The following CCDC192 variants were observed in gnomAD, a reference collection of about 807,000 sequenced individuals.
CCDC192 encodes coiled-coil domain-containing protein 192.
intron 2 of CCDC192, among the ~76,000 whole-genome samples, chr5:127,713,734 T>C (rs756932649): frequency 3.9e-5 from 6 of 152,236 alleles, no homozygotes; most frequent in Non-Finnish European, 7.3e-5. Flanking sequence ...TGACACATAA[T>C]AATTGTACAT....
At chr5:127,822,650 G>A (rs1172204760) in intron 5 of CCDC192, among the ~76,000 whole-genome samples, 2 of 152,126 alleles carry the variant, frequency 1.3e-5, no homozygotes, top group African/African-American at 2.4e-5. Flanking sequence ...TGATGTTCAG[G>A]GAGTCAGGAA....
At chr5:127,861,996 G>A (rs1248587926) in intron 5 of CCDC192, among the ~76,000 whole-genome samples, 1 of 152,202 alleles carries the variant, frequency 6.6e-6, no homozygotes, top group African/African-American at 2.4e-5. Context: ...TAAGGGAGTT[G>A]TGAGTGGGAA....
In CCDC192 at chr5:127,782,572, C is replaced by G. The variant is rs1756293108; in HGVS notation, c.223-14531C>G. 2.0e-5 allele frequency among the ~76,000 whole-genome samples: 3 copies of G among 151,954 alleles called. No homozygotes were observed. The South Asian group carries it at 6.2e-4, about 32-fold the overall frequency. On this transcript the variant is annotated intron_variant, in intron 3 of 6. Transcript: ENST00000514853. ...GGTTGTATCTTTCCAGGAATTCATC[C>G]ATGTCATCTAGGTTTTTTAGTCTGT...
At chr5:127,748,775 T>G (rs1307995700) in intron 2 of CCDC192, among the ~76,000 whole-genome samples, 2 of 145,940 alleles carry the variant, frequency 1.4e-5, no homozygotes, top group African/African-American at 5.0e-5. Context: ...GTATCCTCTT[T>G]TATTTCCTTG....
intron 2 of CCDC192, among the ~76,000 whole-genome samples, chr5:127,738,083 C>T (rs1753137825): frequency 6.6e-6 from 1 of 151,962 alleles, no homozygotes; most frequent in African/African-American, 2.4e-5. Flanking sequence ...TGTTCCTTTC[C>T]ATGTTTAGTG....
At chr5:127,752,091 G>A (rs1026179702) in intron 2 of CCDC192, among the ~76,000 whole-genome samples, 8 of 152,214 alleles carry the variant, frequency 5.3e-5, no homozygotes, top group South Asian at 4.1e-4. Context: ...TAATTTGATC[G>A]TCTGAAGCCT....
Position 127,854,637 on chromosome 5 carries a change from G to C in CCDC192, c.412-20901G>C, listed in dbSNP as rs539623216. On this transcript the variant is annotated intron_variant, in intron 5 of 6. Coordinates refer to ENST00000514853, the MANE Select transcript of CCDC192 (RefSeq NM_001317938.2). The stretch of plus-strand genomic sequence containing the variant: ...GGGTGACTCCTGCATATCTAACCTA[G>C]ACCTCCTTGACTGAGCACCACACTC... Among the ~76,000 whole-genome samples, 6 of 152,186 alleles carry C rather than the reference G, an allele frequency of 3.9e-5. No individual in the cohort carries two copies. In the East Asian group the frequency reaches 9.7e-4, roughly 24 times the overall value.
intron 3 of CCDC192, among the ~76,000 whole-genome samples, chr5:127,782,649 T>G (rs1448476879): frequency 6.6e-6 from 1 of 152,168 alleles, no homozygotes; most frequent in Non-Finnish European, 1.5e-5. Context: ...TTCTGCGGTG[T>G]CAGCTGTAAT....
rs143763472 is a variant in CCDC192 at position 127,719,298 on chromosome 5, G to A, written c.114+11538G>A. ...CCACATTTTCTTTTTCTATTCATCCGTTGATGGACACTTAGACTGCTTCCA... is the reference window on the plus strand; with the variant it reads ...CCACATTTTCTTTTTCTATTCATCCATTGATGGACACTTAGACTGCTTCCA... On this transcript the variant is annotated intron_variant, in intron 2 of 6. Coordinates refer to ENST00000514853, the MANE Select transcript of CCDC192 (RefSeq NM_001317938.2). Among the ~76,000 whole-genome samples, 216 of 151,514 alleles carry A rather than the reference G, an allele frequency of 1.4e-3. 2 individuals carry two copies. The highest frequency in any genetic ancestry group is 4.6e-3 in the African/African-American group (189 of 41,270).
chr5:127,894,123 A>G (rs1752806092), intron 6 of CCDC192, among the ~76,000 whole-genome samples: 1 of 151,598 alleles, frequency 6.6e-6, no homozygotes, highest in African/African-American at 2.4e-5. Flanking sequence ...AGGCCCTACT[A>G]CTTAAAGGAT....
At chr5:127,827,108 G>A (rs1749566565) in intron 5 of CCDC192, among the ~76,000 whole-genome samples, 1 of 152,114 alleles carries the variant, frequency 6.6e-6, no homozygotes, top group Non-Finnish European at 1.5e-5. Flanking sequence ...AGAGGCCTGC[G>A]TTCCCAAATG....
At chr5:127,864,189 C>T (rs1561529470) in intron 5 of CCDC192, among the ~76,000 whole-genome samples, 1 of 152,174 alleles carries the variant, frequency 6.6e-6, no homozygotes, top group Admixed American at 6.5e-5. Context: ...AGGACCATAG[C>T]AGGAAACTCA....
intron 3 of CCDC192, among the ~76,000 whole-genome samples, chr5:127,766,024 T>A (rs1755205030): frequency 6.6e-6 from 1 of 152,250 alleles, no homozygotes; most frequent in African/African-American, 2.4e-5. Context: ...ATTTTCACAA[T>A]ATGCCCTATG....
At chr5:127,721,960 G>T (rs1255144503) in intron 2 of CCDC192, among the ~76,000 whole-genome samples, 1 of 152,148 alleles carries the variant, frequency 6.6e-6, no homozygotes, top group African/African-American at 2.4e-5. Context: ...CCCCCCACTA[G>T]GCTCCTCCTC....
At chr5:127,822,279 C>A (rs968954172) in intron 5 of CCDC192, among the ~76,000 whole-genome samples, 2 of 152,182 alleles carry the variant, frequency 1.3e-5, no homozygotes, top group East Asian at 3.9e-4. Flanking sequence ...TATTTCTCAT[C>A]CCTTTTGGGG....
chr5:127,735,081 A>G (rs1357346477), intron 2 of CCDC192, among the ~76,000 whole-genome samples: 3 of 131,436 alleles, frequency 2.3e-5, no homozygotes, highest in South Asian at 2.8e-4. Context: ...TAAGTCTTTA[A>G]TCCATCTTGA....
intron 5 of CCDC192, among the ~76,000 whole-genome samples, chr5:127,841,757 A>G (rs957607645): frequency 6.6e-6 from 1 of 152,198 alleles, no homozygotes; most frequent in Non-Finnish European, 1.5e-5. Flanking sequence ...GTCATGAGCC[A>G]TGACCCAAGC....
chr5:127,884,613 C>T (rs1359617594), intron 6 of CCDC192, among the ~76,000 whole-genome samples: 2 of 152,000 alleles, frequency 1.3e-5, no homozygotes, highest in African/African-American at 4.8e-5. Flanking sequence ...TTACTGCGGC[C>T]AAGGCAATGG....
intron 6 of CCDC192, among the ~76,000 whole-genome samples, chr5:127,880,448 G>A (rs2127142904): frequency 8.5e-6 from 1 of 117,564 alleles, no homozygotes; most frequent in East Asian, 2.6e-4. Flanking sequence ...TCTGGGGACT[G>A]TGGTGGGGTG....
Sources: allele counts gnomAD v4.1 joint callset (sites outside exome capture counted in the v4.1 genomes callset), GRCh38; gene constraint gnomAD v4.1.1; transcripts MANE v1.5; gene names NCBI Gene and HGNC (gene_info 2026-07-23, HGNC 2026-07-21).